FBN1: variants seen among roughly 807,000 people sequenced by gnomAD.
FBN1 encodes the protein fibrillin 1.
FBN1 carries 29 observed loss-of-function variants against 365.1 expected under a neutral mutation model. The observed-to-expected ratio is 0.08, with a 90% confidence interval of 0.06 to 0.11. The LOEUF is 0.11. FBN1 is among the 10% of genes least tolerant of loss of function. FBN1 has a pLI of 1.00. For missense variants in FBN1, 2,476 were observed against 3,703.2 expected (o/e 0.67, Z 8.60); for synonymous variants, 1,210 against 1,270.5 (o/e 0.95, Z 1.01).
chr15:48,617,682 T>C (rs1889684413), intron 2 of FBN1, among the ~76,000 whole-genome samples: 2 of 152,208 alleles, frequency 1.3e-5, no homozygotes, highest in Admixed American at 1.3e-4. Flanking sequence ...GCAGGTTTGA[T>C]ACTTGGATTC....
intron 23 of FBN1, among the ~76,000 whole-genome samples, chr15:48,493,354 T>C (rs1270852234): frequency 1.3e-5 from 2 of 152,178 alleles, no homozygotes; most frequent in Admixed American, 6.5e-5. Flanking sequence ...AAGAAACTCA[T>C]ACACACTGTG....
Position 48,555,923 on chromosome 15 carries a change from T to C in FBN1, c.539-18115A>G, listed in dbSNP as rs191740184. 3.3e-5 allele frequency among the ~76,000 whole-genome samples: 5 copies of C among 152,302 alleles called. No individual in the cohort carries two copies. In the East Asian group the frequency reaches 9.6e-4, roughly 29 times the overall value. On this transcript the variant is annotated intron_variant, in intron 6 of 65. Coordinates refer to ENST00000316623, the MANE Select transcript of FBN1 (RefSeq NM_000138.5). The stretch of plus-strand genomic sequence containing the variant: ...AGGCTTTTGCCTTCTACATTTCTAA[T>C]GGGGGTTTCTGAAAGAAACTTTCCA...
intron 8 of FBN1, among the ~76,000 whole-genome samples, chr15:48,531,809 G>C (rs925092207): frequency 2.0e-5 from 3 of 152,070 alleles, no homozygotes; most frequent in Non-Finnish European, 4.4e-5. Flanking sequence ...CCAGTCTCCA[G>C]GCCAGAGAAT....
intron 9 of FBN1, among the ~76,000 whole-genome samples, chr15:48,522,323 A>G (rs1316399951): frequency 1.3e-5 from 2 of 152,008 alleles, no homozygotes; most frequent in Non-Finnish European, 2.9e-5. Flanking sequence ...TTGTGTATTA[A>G]TTTAATTAAT....
At chr15:48,494,307 C>A in intron 22 of FBN1, 53 bp from the exon 23 acceptor site, 2 of 1,384,066 alleles carry the variant, frequency 1.4e-6, no homozygotes. Flanking sequence ...ATAACAATAT[C>A]CAGACTTTGC....
intron 2 of FBN1, among the ~76,000 whole-genome samples, chr15:48,627,184 T>C (rs1196639892): frequency 6.6e-6 from 1 of 152,256 alleles, no homozygotes; most frequent in African/African-American, 2.4e-5. Flanking sequence ...TTTTTTGTGC[T>C]CTGATTTTTT....
intron 14 of FBN1, among the ~76,000 whole-genome samples, chr15:48,509,310 CTA>C (rs1246984363): frequency 6.6e-6 from 1 of 151,484 alleles, no homozygotes; most frequent in Admixed American, 6.6e-5. Context: ...AAATTCATCA[CTA>C]TGTTATTTTA....
At chr15:48,644,466 G>A (rs181675278) in intron 2 of FBN1, 140 bp downstream of exon 2, 2 of 1,167,848 alleles carry the variant, frequency 1.7e-6, no homozygotes, top group Admixed American at 1.8e-5. Context: ...ACGGGGTGGG[G>A]ACTAAACAAC....
intron 24 of FBN1, among the ~76,000 whole-genome samples, chr15:48,492,001 C>T (rs1215021107): frequency 6.6e-6 from 1 of 152,156 alleles, no homozygotes; most frequent in East Asian, 1.9e-4. Flanking sequence ...AGCAGTGATA[C>T]CTACCCTGGG....
intron 6 of FBN1, among the ~76,000 whole-genome samples, chr15:48,554,530 A>G (rs2044165389): frequency 6.6e-6 from 1 of 152,188 alleles, no homozygotes; most frequent in South Asian, 2.1e-4. Flanking sequence ...AAATATATGT[A>G]ATAAAATCTA....
At chr15:48,484,921 T>C (rs1366535497) in intron 30 of FBN1, among the ~76,000 whole-genome samples, 1 of 152,180 alleles carries the variant, frequency 6.6e-6, no homozygotes, top group African/African-American at 2.4e-5. Flanking sequence ...CCAAATCATT[T>C]GGAGAGATTG....
At chr15:48,539,340 T>C (rs896156384) in intron 6 of FBN1, among the ~76,000 whole-genome samples, 1 of 152,150 alleles carries the variant, frequency 6.6e-6, no homozygotes, top group African/African-American at 2.4e-5. Context: ...CAGTCATATA[T>C]GTAAAGAAGA....
intron 6 of FBN1, among the ~76,000 whole-genome samples, chr15:48,553,108 T>C (rs1055081651): frequency 5.9e-5 from 9 of 152,208 alleles, no homozygotes; most frequent in Admixed American, 1.3e-4. Context: ...ACTTGTAAGA[T>C]ACGTTCTATT....
rs569418736 is a variant in FBN1, at chr15:48,436,899, G to A, written c.6496+62C>T. ...GTACCTATATTCATGGCTATACAGT[G>A]AATACTGTATAGCTTAATTTTTAAT... On this transcript the variant is annotated intron_variant, in intron 53 of 65. Transcript: ENST00000316623. 38 of 1,005,712 alleles carry A rather than the reference G, an allele frequency of 3.8e-5. 1 individual carries two copies. In the South Asian group the frequency reaches 4.8e-4, roughly 13 times the overall value. 62.3% of individuals were successfully genotyped at this position (1,005,712 alleles called of 1,614,324 possible).
At chr15:48,439,252 T>C (rs371256676) in intron 50 of FBN1, among the ~76,000 whole-genome samples, 1 of 152,244 alleles carries the variant, frequency 6.6e-6, no homozygotes, top group South Asian at 2.1e-4. Context: ...CAACCTTTCA[T>C]GGCTACCAAC....
intron 60 of FBN1, 50 bp downstream of exon 60, chr15:48,425,319 C>T: frequency 1.2e-6 from 2 of 1,613,298 alleles, no homozygotes; most frequent in Non-Finnish European, 1.7e-6. Flanking sequence ...CAAAGGAATG[C>T]AGCCATGTGT....
At chr15:48,566,253 GA>G (rs1232086926) in intron 6 of FBN1, among the ~76,000 whole-genome samples, 3 of 152,152 alleles carry the variant, frequency 2.0e-5, no homozygotes, top group Non-Finnish European at 1.5e-5. Context: ...AGCAACAGGG[GA>G]AAAAGTTTCA....
intron 36 of FBN1, among the ~76,000 whole-genome samples, chr15:48,470,378 C>G (rs1030471034): frequency 6.6e-6 from 1 of 152,112 alleles, no homozygotes; most frequent in Non-Finnish European, 1.5e-5. Flanking sequence ...CTAGAGCACC[C>G]CTAGAACATT....
intron 60 of FBN1, among the ~76,000 whole-genome samples, chr15:48,422,949 C>CAAAAAA (rs1354659397): frequency 6.6e-6 from 1 of 151,542 alleles, no homozygotes; most frequent in East Asian, 1.9e-4. Context: ...AAAACAAAAA[C>CAAAAAA]AAAAAACAAA....
Sources: allele counts gnomAD v4.1 joint callset (sites outside exome capture counted in the v4.1 genomes callset), GRCh38; gene constraint gnomAD v4.1.1; transcripts MANE v1.5; gene names NCBI Gene and HGNC (gene_info 2026-07-23, HGNC 2026-07-21).